The following TMEM178B variants were observed in gnomAD, a reference collection of about 807,000 sequenced individuals.
TMEM178B encodes the protein transmembrane protein 178B.
TMEM178B carries 5 observed loss-of-function variants against 31.0 expected under a neutral mutation model. The ratio of observed to expected loss-of-function variants is 0.16; its 90% confidence interval spans 0.08 to 0.34. The LOEUF is 0.34. Among genes scored for constraint, TMEM178B ranks in the 10% least tolerant of loss-of-function variants. The pLI is 1.00. For synonymous variants in TMEM178B, 164 were observed against 164.0 expected (o/e 1.00, Z 0.00); for missense variants, 275 against 400.3 (o/e 0.69, Z 2.67).
the TMEM178B span, among the ~76,000 whole-genome samples, chr7:141,487,306 G>T: frequency 6.6e-6 from 1 of 151,968 alleles, no homozygotes; most frequent in Non-Finnish European, 1.5e-5. Flanking sequence ...GTATATTTTT[G>T]AATGGAATTA....
At chr7:141,340,499 T>A (rs945897348) in intron 2 of TMEM178B, among the ~76,000 whole-genome samples, 3 of 152,270 alleles carry the variant, frequency 2.0e-5, no homozygotes, top group South Asian at 4.1e-4. Flanking sequence ...GAAGGTTTTA[T>A]GTTTTTCAAA....
intron 1 of TMEM178B, among the ~76,000 whole-genome samples, chr7:141,088,087 C>T (rs560077829): frequency 8.5e-5 from 13 of 152,166 alleles, no homozygotes; most frequent in East Asian, 5.8e-4. Context: ...TGATGCTCTG[C>T]GGGGAGGGAG....
intron 3 of TMEM178B, among the ~76,000 whole-genome samples, chr7:141,442,644 A>T (rs749878400): frequency 5.9e-5 from 9 of 152,094 alleles, no homozygotes; most frequent in Non-Finnish European, 1.2e-4. Context: ...CTTTGCACAT[A>T]GTGTTTCCTT....
the TMEM178B span, among the ~76,000 whole-genome samples, chr7:141,498,745 G>A: frequency 5.3e-5 from 8 of 152,184 alleles, no homozygotes; most frequent in Non-Finnish European, 1.5e-5. Context: ...CTAAAGCGAG[G>A]AATCCAGGAG....
chr7:141,095,158 T>C (rs1212325961), intron 1 of TMEM178B, among the ~76,000 whole-genome samples: 1 of 152,106 alleles, frequency 6.6e-6, no homozygotes, highest in Admixed American at 6.5e-5. Flanking sequence ...TTCAGTGGGG[T>C]TTGTAAGGAC....
chr7:141,163,512 AT>A (rs11352984), intron 1 of TMEM178B, among the ~76,000 whole-genome samples: 2,496 of 139,814 alleles, frequency 0.018, 32 homozygotes, highest in East Asian at 0.057. Context: ...GCAAACAGCA[AT>A]TTTTTTTTTT....
At chr7:141,452,743 AT>A (rs1801889906) in intron 3 of TMEM178B, among the ~76,000 whole-genome samples, 1 of 152,226 alleles carries the variant, frequency 6.6e-6, no homozygotes, top group Non-Finnish European at 1.5e-5. Flanking sequence ...ATTAAAAAAA[AT>A]ATCTAGCAGA....
chr7:141,235,722 T>C (rs576205088), intron 2 of TMEM178B, among the ~76,000 whole-genome samples: 1 of 152,358 alleles, frequency 6.6e-6, no homozygotes, highest in African/African-American at 2.4e-5. Flanking sequence ...ATGCATATGT[T>C]AGTCCCCATA....
At chr7:141,214,596 T>A (rs1427235019) in intron 2 of TMEM178B, among the ~76,000 whole-genome samples, 1 of 152,232 alleles carries the variant, frequency 6.6e-6, no homozygotes, top group African/African-American at 2.4e-5. Context: ...CTCTTTTGAC[T>A]GCACACACTG....
intron 2 of TMEM178B, among the ~76,000 whole-genome samples, chr7:141,216,430 T>C (rs1159569283): frequency 1.4e-5 from 1 of 71,870 alleles, no homozygotes; most frequent in Non-Finnish European, 3.4e-5. Context: ...AGCCTGTGTG[T>C]GTGTGTGTGT....
chr7:141,181,075 G>T (rs949531274), intron 1 of TMEM178B, among the ~76,000 whole-genome samples: 2 of 152,154 alleles, frequency 1.3e-5, no homozygotes, highest in Admixed American at 1.3e-4. Flanking sequence ...GCATAGGGTA[G>T]CATGGTAAGG....
intron 2 of TMEM178B, among the ~76,000 whole-genome samples, chr7:141,358,550 T>C (rs1401210688): frequency 6.6e-6 from 1 of 152,190 alleles, no homozygotes; most frequent in Non-Finnish European, 1.5e-5. Context: ...TTTGTATACA[T>C]GAACTTCCAA....
rs56316531 is a variant in TMEM178B, at chr7:141,324,416, G to GTTTTTTTT, written c.496+111742_496+111749dup. Among the ~76,000 whole-genome samples the GTTTTTTTT allele has an allele frequency of 4.1e-4, 35 of 85,772 alleles. 6 individuals are homozygous for GTTTTTTTT. The highest frequency in any genetic ancestry group is 1.0e-3 in the African/African-American group (26 of 24,836). 56.3% of individuals were successfully genotyped at this position (85,772 alleles called of 152,430 possible). A position where few individuals can be genotyped will look rare whatever the true frequency, so the allele number is the denominator to read the frequency against. On this transcript the variant is annotated intron_variant, in intron 2 of 3. Transcript: ENST00000565468. ...TGTGAGAGCAAGAGAGGAGACCAGG[G>GTTTTTTTT]TTTTTTTTTTTTTTTTTTTTTTTTT... is the stretch of plus-strand genomic sequence containing the variant.
intron 2 of TMEM178B, among the ~76,000 whole-genome samples, chr7:141,247,823 A>T (rs1049202038): frequency 6.6e-6 from 1 of 152,192 alleles, no homozygotes; most frequent in African/African-American, 2.4e-5. Context: ...GGATATACAT[A>T]TACTAAAAAT....
intron 2 of TMEM178B, among the ~76,000 whole-genome samples, chr7:141,334,403 G>C: frequency 6.6e-6 from 1 of 152,298 alleles, no homozygotes. Context: ...CTGGTACTAC[G>C]TTTGTCTCAT....
chr7:141,201,102 C>T (rs998898375), intron 1 of TMEM178B, among the ~76,000 whole-genome samples: 1 of 152,118 alleles, frequency 6.6e-6, no homozygotes, highest in East Asian at 1.9e-4. Flanking sequence ...GACAACTTCC[C>T]GTGCACATGA....
intron 2 of TMEM178B, among the ~76,000 whole-genome samples, chr7:141,357,143 A>G (rs554155045): frequency 1.3e-5 from 2 of 152,274 alleles, no homozygotes; most frequent in South Asian, 4.2e-4. Context: ...GGGCTCTATT[A>G]TTTTCCCTAA....
intron 2 of TMEM178B, among the ~76,000 whole-genome samples, chr7:141,320,949 G>T (rs961420835): frequency 3.3e-5 from 5 of 152,124 alleles, no homozygotes; most frequent in African/African-American, 1.2e-4. Context: ...CAGGTGGGTG[G>T]AACCTTGCAG....
At chr7:141,134,045 G>A (rs1054188563) in intron 1 of TMEM178B, among the ~76,000 whole-genome samples, 2 of 151,948 alleles carry the variant, frequency 1.3e-5, no homozygotes, top group Non-Finnish European at 2.9e-5. Context: ...GAGTAGCCAG[G>A]GTAACAAAAC....
Sources: gnomAD v4.1 joint callset for allele counts (sites outside exome capture counted in the v4.1 genomes callset) on GRCh38, gnomAD v4.1.1 for gene constraint, MANE v1.5 for transcripts, NCBI Gene and HGNC (gene_info 2026-07-23, HGNC 2026-07-21) for gene names.